Variants in GNAS-AS1 observed in about 807,000 individuals in gnomAD.
GNAS-AS1 encodes GNAS antisense RNA 1 (non-protein coding).
chr20:58,838,780 A>G (rs992799187), intron 4 of GNAS-AS1: 3 of 383,928 alleles, frequency 7.8e-6, no homozygotes, highest in Non-Finnish European at 1.4e-5. Flanking sequence ...AGCCGAGCGT[A>G]GTGGTGCACG....
intron 4 of GNAS-AS1, among the ~76,000 whole-genome samples, chr20:58,830,631 ACCG>A (rs1222129879): frequency 3.5e-5 from 4 of 113,628 alleles, no homozygotes; most frequent in Admixed American, 8.7e-5. Context: ...CATCACCACC[ACCG>A]CCACACCACC....
exon 1 of GNAS-AS1, chr20:58,850,823 T>A: frequency 5.0e-6 from 2 of 398,798 alleles, no homozygotes; most frequent in Non-Finnish European, 8.8e-6. Context: ...CTTCCAGGCC[T>A]AGCCGCCATA....
At chr20:58,844,983 C>T (rs2085890088) in intron 2 of GNAS-AS1, among the ~76,000 whole-genome samples, 1 of 152,166 alleles carries the variant, frequency 6.6e-6, no homozygotes, top group Admixed American at 6.5e-5. Flanking sequence ...TGTCCTTTCC[C>T]TAAACTGGAA....
intron 4 of GNAS-AS1, chr20:58,839,162 C>T (rs1434606230): frequency 7.5e-6 from 3 of 398,364 alleles, no homozygotes; most frequent in East Asian, 3.6e-5. Flanking sequence ...CTACCTCAAC[C>T]GTGGGGGCCC....
At chr20:58,837,066 A>C (rs1186140866) in intron 4 of GNAS-AS1, among the ~76,000 whole-genome samples, 2 of 152,194 alleles carry the variant, frequency 1.3e-5, no homozygotes, top group African/African-American at 4.8e-5. Flanking sequence ...TGAAGAATGA[A>C]GTACTTTCTT....
chr20:58,830,180 AACC>A (rs924606032), intron 4 of GNAS-AS1, among the ~76,000 whole-genome samples: 8 of 136,808 alleles, frequency 5.8e-5, no homozygotes, highest in Admixed American at 1.5e-4. Context: ...CCACTATCAT[AACC>A]ACCACCACCA....
Position 58,841,454 on chromosome 20 carries a change from C to G in GNAS-AS1, n.819+483G>C, listed in dbSNP as rs190024309. The stretch of plus-strand genomic sequence containing the variant: ...GAGGGAAGTCACGCGCGCGCGGCGC[C>G]TAAGCAGCTCAGAGCCGGAGCCCAG... On this transcript the variant is annotated intron_variant and non_coding_transcript_variant, in intron 4 of 4. Coordinates refer to ENST00000424094, the Ensembl canonical transcript of GNAS-AS1. This position sits in a 1 kb window ranked among gnomAD's most constrained non-coding sequence, Gnocchi z 5.0. 337 of 993,568 alleles carry G rather than the reference C, an allele frequency of 3.4e-4. No individual in the cohort carries two copies. The highest frequency in any genetic ancestry group is 3.2e-3 in the African/African-American group (184 of 57,480). The allele number at this position is 993,568 out of a possible 1,614,324, so 61.5% of individuals were successfully genotyped here. A position where few individuals can be genotyped will look rare whatever the true frequency, so the allele number is the denominator to read the frequency against.
intron 4 of GNAS-AS1, among the ~76,000 whole-genome samples, chr20:58,831,331 T>TA (rs2085567499): frequency 2.0e-5 from 3 of 151,418 alleles, no homozygotes; most frequent in Non-Finnish European, 2.9e-5. Flanking sequence ...TTGCTTTTTT[T>TA]TAAAAAAATC....
In GNAS-AS1 at chr20:58,840,291, G is replaced by C. The variant is rs1225603087; in HGVS notation, n.819+1646C>G. 2 of 1,612,412 alleles carry C rather than the reference G, an allele frequency of 1.2e-6. No individual in the cohort carries two copies. Among genetic ancestry groups the C allele is most frequent in the South Asian group, 1.1e-5 (1 of 91,082 alleles). On this transcript the variant is annotated intron_variant and non_coding_transcript_variant, in intron 4 of 4. Coordinates refer to ENST00000424094, the Ensembl canonical transcript of GNAS-AS1. The surrounding 1 kb of genome is among the most constrained non-coding windows in gnomAD (Gnocchi z 6.0). ...CAGCGCGCGGCTGCCCAACAGCGCC[G>C]GAGCTTCCTTAACGCCCACCACCGC...
chr20:58,841,785 G>C lies in GNAS-AS1; in HGVS notation n.819+152C>G, dbSNP rs2085740169. ...GCCAAGCTTTTGGCGCAGCTGGTCGGGTGGCCAGGCTGCATGCGGCTTAGC... is the reference window on the plus strand; with the variant it reads ...GCCAAGCTTTTGGCGCAGCTGGTCGCGTGGCCAGGCTGCATGCGGCTTAGC... On this transcript the variant is annotated intron_variant and non_coding_transcript_variant, in intron 4 of 4. Transcript: ENST00000424094. The surrounding 1 kb of genome is among the most constrained non-coding windows in gnomAD (Gnocchi z 5.0). 8.1e-7 allele frequency: 1 copy of C among 1,230,514 alleles called. No homozygotes were observed. Among genetic ancestry groups the C allele is most frequent in the Admixed American group, 4.2e-5 (1 of 23,694 alleles). The allele number at this position is 1,230,514 out of a possible 1,614,324, so 76.2% of individuals were successfully genotyped here.
intron 4 of GNAS-AS1, chr20:58,838,603 T>C: frequency 6.1e-6 from 1 of 163,854 alleles, no homozygotes. Flanking sequence ...CAATGAGTAT[T>C]GCTGAGTTAC....
intron 4 of GNAS-AS1, among the ~76,000 whole-genome samples, chr20:58,838,041 C>G (rs1013171834): frequency 1.3e-5 from 2 of 152,172 alleles, no homozygotes; most frequent in Non-Finnish European, 2.9e-5. Context: ...TTAAGATTCC[C>G]CATACTGACT....
exon 3 of GNAS-AS1, chr20:58,842,491 CTT>C (rs1401126971): frequency 5.0e-6 from 2 of 398,648 alleles, no homozygotes; most frequent in African/African-American, 4.1e-5. Flanking sequence ...GCGCCCAAGA[CTT>C]AGTTCTGCCG....
chr20:58,835,171 T>C (rs1003418011), intron 4 of GNAS-AS1, among the ~76,000 whole-genome samples: 1 of 152,016 alleles, frequency 6.6e-6, no homozygotes, highest in African/African-American at 2.4e-5. Flanking sequence ...TAGCGAGTGC[T>C]GCAAACTCCC....
chr20:58,836,181 G>C (rs1416273332), intron 4 of GNAS-AS1: 1 of 152,196 alleles, frequency 6.6e-6, no homozygotes, highest in African/African-American at 2.4e-5. Context: ...TGGGCACCGA[G>C]TTCCAACCCC....
chr20:58,826,374 G>A (rs1285925540), intron 4 of GNAS-AS1, among the ~76,000 whole-genome samples: 1 of 152,116 alleles, frequency 6.6e-6, no homozygotes, highest in Non-Finnish European at 1.5e-5. Flanking sequence ...TGCCTTTCAT[G>A]CATAAAAATG....
intron 2 of GNAS-AS1, chr20:58,843,937 G>T (rs2085841604): frequency 6.6e-6 from 1 of 152,166 alleles, no homozygotes; most frequent in African/African-American, 2.4e-5. Flanking sequence ...TACAGTTTGG[G>T]ATTGTTTTGA....
rs77400319 is a variant in GNAS-AS1, at chr20:58,840,547, G to A, written n.819+1390C>T. On this transcript the variant is annotated intron_variant and non_coding_transcript_variant, in intron 4 of 4. Coordinates refer to ENST00000424094, the Ensembl canonical transcript of GNAS-AS1. This position sits in a 1 kb window ranked among gnomAD's most constrained non-coding sequence, Gnocchi z 6.0. Reference sequence around the variant, plus strand: ...CCGAGCCTGAAGACGATCGCGGCCCGGTGGTGCCCAAGCACTCCACCTTCG... The same window carrying A: ...CCGAGCCTGAAGACGATCGCGGCCCAGTGGTGCCCAAGCACTCCACCTTCG... 2.7e-4 allele frequency: 432 copies of A among 1,613,256 alleles called. 1 individual carries two copies. The African/African-American group carries it at 5.1e-3, about 19-fold the overall frequency.
At chr20:58,827,827 A>T (rs959582946) in intron 4 of GNAS-AS1, among the ~76,000 whole-genome samples, 1 of 152,230 alleles carries the variant, frequency 6.6e-6, no homozygotes, top group African/African-American at 2.4e-5. Context: ...TTGAGAGGTG[A>T]TGTATGAAAA....
Sources: gnomAD v4.1 joint callset for allele counts (sites outside exome capture counted in the v4.1 genomes callset) on GRCh38, gnomAD v4.1.1 for gene constraint, Gnocchi (gnomAD v3.1) non-coding constraint, MANE v1.5 for transcripts, NCBI Gene and HGNC (gene_info 2026-07-23, HGNC 2026-07-21) for gene names.